Variants in EBLN1 observed in about 807,000 individuals in gnomAD.
EBLN1 encodes endogenous Bornavirus like nucleoprotein 1.
A neutral mutation model predicts 0.8 loss-of-function variants in EBLN1; 1 was observed. That is an observed-to-expected ratio of 1.32 (90% CI 0.47 to 6.26). The LOEUF is 6.26. EBLN1 is among the 30% of genes most tolerant of loss of function. The pLI is 0.15. For missense variants in EBLN1, 396 were observed against 447.9 expected, an observed-to-expected ratio of 0.88 and a Z score of 1.05; for synonymous variants, 158 against 158.5, an observed-to-expected ratio of 1.00 and a Z score of 0.02.
In EBLN1 at chr10:22,213,990, C is replaced by T. The variant is rs138904434; in HGVS notation, c.-168-1025G>A. On this transcript the variant is annotated intron_variant, in intron 1 of 2. Coordinates refer to ENST00000422359, the MANE Select transcript of EBLN1 (RefSeq NM_001394757.1). ...AATGTGGTCCTGGTGCAGGAATAGGCATGCTGACCAAAACAGACATCAGAA... is the reference window on the plus strand; with the variant it reads ...AATGTGGTCCTGGTGCAGGAATAGGTATGCTGACCAAAACAGACATCAGAA... Among the ~76,000 whole-genome samples the T allele has an allele frequency of 8.1e-3, 1,229 of 152,088 alleles. 12 individuals carry two copies. Among genetic ancestry groups the T allele is most frequent in the African/African-American group, 0.028 (1,176 of 41,486 alleles).
intron 2 of EBLN1, among the ~76,000 whole-genome samples, chr10:22,212,065 C>T (rs1274067408): frequency 6.6e-6 from 1 of 152,062 alleles, no homozygotes; most frequent in Non-Finnish European, 1.5e-5. Flanking sequence ...AAAACTTCCC[C>T]GTATTCTTGA....
At chr10:22,215,857 G>A (rs1834788560) in intron 1 of EBLN1, among the ~76,000 whole-genome samples, 1 of 152,024 alleles carries the variant, frequency 6.6e-6, no homozygotes, top group Non-Finnish European at 1.5e-5. Flanking sequence ...TGTACTGGAT[G>A]AAATATTACA....
rs1413803355 is a variant in EBLN1 at position 22,217,116 on chromosome 10, T to C, written c.-169+800A>G. Among the ~76,000 whole-genome samples the C allele has an allele frequency of 4.6e-5, 7 of 152,196 alleles. No individual in the cohort carries two copies. The South Asian group carries it at 1.2e-3, about 27-fold the overall frequency. On this transcript the variant is annotated intron_variant, in intron 1 of 2. Coordinates refer to ENST00000422359, the MANE Select transcript of EBLN1 (RefSeq NM_001394757.1). ...CTCAGAAATTATTTATATATATATG[T>C]ATGTGTATATATATATTTTTTTGTT...
chr10:22,209,410 C>T lies in EBLN1; in HGVS notation c.574G>A (p.Ala192Thr), dbSNP rs774978159. The T allele has an allele frequency of 1.2e-6, 2 of 1,603,670 alleles. No individual in the cohort carries two copies. The highest frequency in any genetic ancestry group is 1.7e-6 in the Non-Finnish European group (2 of 1,179,834). The change falls in exon 3 of 3, where the codon GCT (alanine) becomes ACT (threonine). Residue 192 changes from alanine to threonine, a missense_variant. Physicochemically the swap from Ala to Thr is moderately conservative, Grantham distance 58. Transcript: ENST00000422359. ...GGTCTTGAGTTGATCCAATCTATAG[C>T]TGGCCCTGCATTATAGCTAATTAAT... ...DLLISYNAGPAIDWINSRPWV... is the reference protein window; with the variant it reads ...DLLISYNAGPTIDWINSRPWV...
At position 22,208,783 on chromosome 10, in the gene EBLN1, A is replaced by G. The variant is rs561690252; in HGVS notation, c.*100T>C. 1.0e-5 allele frequency: 13 copies of G among 1,297,106 alleles called. No individual in the cohort carries two copies. The East Asian group carries it at 2.8e-4, about 28-fold the overall frequency. 80.3% of individuals were successfully genotyped at this position (1,297,106 alleles called of 1,614,324 possible). ...TTGCGATAGATGTCAGAGACAGACC[A>G]AGATTGAAAACAATAGGCAACACTC... On this transcript the variant is annotated 3_prime_UTR_variant, in exon 3 of 3. Transcript: ENST00000422359.
intron 2 of EBLN1, among the ~76,000 whole-genome samples, chr10:22,211,541 G>A (rs12243765): frequency 0.026 from 3,962 of 152,064 alleles, 182 homozygotes; most frequent in African/African-American, 0.091. Context: ...CACCCAGGCT[G>A]GAGTGCAGTG....
Position 22,209,155 on chromosome 10 carries a change from C to T in EBLN1, c.829G>A (p.Asp277Asn). The change falls in exon 3 of 3, where the codon GAT (aspartate) becomes AAT (asparagine). Residue 277 changes from aspartate to asparagine, a missense_variant. By Grantham distance (23) the Asp-to-Asn change is conservative. Transcript: ENST00000422359. ...KKPLAKKVLGDFFEFGGVLRH... is the reference protein window; with the variant it reads ...KKPLAKKVLGNFFEFGGVLRH... ...AGTACACCCCCAAATTCAAAGAAAT[C>T]TCCAAGTACCTTTTTAGCCAGTGGT... is the stretch of plus-strand genomic sequence containing the variant. 2 of 1,535,848 alleles carry T rather than the reference C, an allele frequency of 1.3e-6. No individual in the cohort carries two copies. Among genetic ancestry groups the T allele is most frequent in the African/African-American group, 1.4e-5 (1 of 73,160 alleles).
rs116747383 is a variant in EBLN1, at chr10:22,214,608, T to C, written c.-168-1643A>G. Among the ~76,000 whole-genome samples the C allele has an allele frequency of 3.5e-3, 527 of 152,288 alleles. 2 individuals are homozygous for C. The highest frequency in any genetic ancestry group is 0.011 in the African/African-American group (466 of 41,554). On this transcript the variant is annotated intron_variant, in intron 1 of 2. Transcript: ENST00000422359. ...GGCAAGCGATATATGGGGATTAAAA[T>C]ACTTTCTGCAAGTATACAAGGTTAA...
At chr10:22,211,286 A>G (rs1369835177) in intron 2 of EBLN1, among the ~76,000 whole-genome samples, 1 of 152,166 alleles carries the variant, frequency 6.6e-6, no homozygotes, top group Non-Finnish European at 1.5e-5. Context: ...ATCCATTTTT[A>G]TTCCCCGAAA....
At position 22,216,266 on chromosome 10, in the gene EBLN1, C is replaced by T. The variant is rs1382713886; in HGVS notation, c.-169+1650G>A. Among the ~76,000 whole-genome samples the T allele has an allele frequency of 2.0e-5, 3 of 151,500 alleles. No homozygotes were observed. The East Asian group carries it at 5.8e-4, about 29-fold the overall frequency. On this transcript the variant is annotated intron_variant, in intron 1 of 2. Coordinates refer to ENST00000422359, the MANE Select transcript of EBLN1 (RefSeq NM_001394757.1). The stretch of plus-strand genomic sequence containing the variant: ...TGGCATGTACAAACACATTGCAAAA[C>T]AAAAACAAAAACAAAAACAAATTAG...
chr10:22,214,750 G>C (rs1046935844), intron 1 of EBLN1, among the ~76,000 whole-genome samples: 1 of 152,066 alleles, frequency 6.6e-6, no homozygotes, highest in African/African-American at 2.4e-5. Flanking sequence ...AATACTCAGC[G>C]TGGAGTTACC....
chr10:22,209,140 C>T lies in EBLN1; in HGVS notation c.844G>A (p.Gly282Arg), dbSNP rs1389172016. ...ATAACAGGGTGGCGAAGTACACCCC[C>T]AAATTCAAAGAAATCTCCAAGTACC... is the stretch of plus-strand genomic sequence containing the variant. ...KKVLGDFFEF[G>R]GVLRHPVIGV... The change falls in exon 3 of 3, where the codon GGG becomes AGG. Residue 282 changes from glycine to arginine, a missense_variant. Gly to Arg is a moderately radical substitution (Grantham distance 125). Coordinates refer to ENST00000422359, the MANE Select transcript of EBLN1 (RefSeq NM_001394757.1). 2 of 1,535,866 alleles carry T rather than the reference C, an allele frequency of 1.3e-6. No individual in the cohort carries two copies. The highest frequency in any genetic ancestry group is 2.7e-5 in the African/African-American group (2 of 73,036).
chr10:22,209,940 T>C lies in EBLN1; in HGVS notation c.44A>G (p.Asp15Gly), dbSNP rs1564323162. Residue 15 changes from aspartate (D) to glycine (G), a missense_variant, in exon 3 of 3, where the codon GAC (aspartate) becomes GGC (glycine). Transcript: ENST00000422359. ...RNNPQTSSPQ[D>G]STKDGSSFHY... is the part of the protein sequence containing the mutation. Reference sequence around the variant, plus strand: ...GAAGCTGCTCCCATCCTTTGTACTGTCTTGTGGGCTGCTGGTCTGTGGGTT... The same window carrying C: ...GAAGCTGCTCCCATCCTTTGTACTGCCTTGTGGGCTGCTGGTCTGTGGGTT... 1 of 1,441,440 alleles carries C rather than the reference T, an allele frequency of 6.9e-7. No homozygotes were observed. The highest frequency in any genetic ancestry group is 2.5e-5 in the East Asian group (1 of 40,194). 89.3% of individuals were successfully genotyped at this position (1,441,440 alleles called of 1,614,324 possible). A position where few individuals can be genotyped will look rare whatever the true frequency, so the allele number is the denominator to read the frequency against.
chr10:22,209,387 T>A lies in EBLN1; in HGVS notation c.597A>T (p.Arg199Ser), dbSNP rs745332913. ...AGPAIDWINS[R>S]PWVGGLMFTF... ...TGAACATTAATCCTCCAACCCATGGTCTTGAGTTGATCCAATCTATAGCTG... is the reference window on the plus strand; with the variant it reads ...TGAACATTAATCCTCCAACCCATGGACTTGAGTTGATCCAATCTATAGCTG... Residue 199 changes from arginine (R) to serine (S), a missense_variant, in exon 3 of 3, where the codon AGA becomes AGT. Transcript: ENST00000422359. 2.2e-5 allele frequency: 36 copies of A among 1,605,206 alleles called. No individual in the cohort carries two copies. The highest frequency in any genetic ancestry group is 3.3e-4 in the Middle Eastern group (2 of 6,060).
In EBLN1 at chr10:22,209,391, G is replaced by A. The variant is rs1834724955; in HGVS notation, c.593C>T (p.Ser198Leu). ...CATTAATCCTCCAACCCATGGTCTT[G>A]AGTTGATCCAATCTATAGCTGGCCC... Reference protein sequence around the residue: ...NAGPAIDWINSRPWVGGLMFT... With the variant: ...NAGPAIDWINLRPWVGGLMFT... The change falls in exon 3 of 3, where the codon TCA (serine) becomes TTA (leucine). Residue 198 changes from serine to leucine, a missense_variant. By Grantham distance (145) the Ser-to-Leu change is moderately radical (BLOSUM62 -2). Coordinates refer to ENST00000422359, the MANE Select transcript of EBLN1 (RefSeq NM_001394757.1). 1.2e-6 allele frequency: 2 copies of A among 1,604,944 alleles called. No individual in the cohort carries two copies. The highest frequency in any genetic ancestry group is 1.3e-5 in the African/African-American group (1 of 74,936).
intron 1 of EBLN1, among the ~76,000 whole-genome samples, chr10:22,216,559 T>G (rs1373186748): frequency 6.6e-6 from 1 of 152,222 alleles, no homozygotes; most frequent in Non-Finnish European, 1.5e-5. Flanking sequence ...GGCAACATTC[T>G]ATGTACAATA....
At chr10:22,217,667 T>G (rs1834803244) in intron 1 of EBLN1, among the ~76,000 whole-genome samples, 1 of 152,176 alleles carries the variant, frequency 6.6e-6, no homozygotes, top group Admixed American at 6.5e-5. Context: ...TTGGCTACAT[T>G]CTCTGACTAC....
chr10:22,214,598 G>A lies in EBLN1; in HGVS notation c.-168-1633C>T, dbSNP rs1488817578. On this transcript the variant is annotated intron_variant, in intron 1 of 2. Coordinates refer to ENST00000422359, the MANE Select transcript of EBLN1 (RefSeq NM_001394757.1). ...CTAAATTAAAGGCAAGCGATATATG[G>A]GGATTAAAATACTTTCTGCAAGTAT... is the stretch of plus-strand genomic sequence containing the variant. Among the ~76,000 whole-genome samples, 3 of 152,024 alleles carry A rather than the reference G, an allele frequency of 2.0e-5. No homozygotes were observed. The East Asian group carries it at 5.8e-4, about 29-fold the overall frequency.
Position 22,208,709 on chromosome 10 carries a change from C to G in EBLN1, c.*174G>C, listed in dbSNP as rs1834715109. ...TTTGGAGATCACATCTTTCAGTGGC[C>G]AGAGAATATTGGATGGACTCTTTTA... is the stretch of plus-strand genomic sequence containing the variant. On this transcript the variant is annotated 3_prime_UTR_variant, in exon 3 of 3. Transcript: ENST00000422359. The G allele has an allele frequency of 1.4e-6, 1 of 709,170 alleles. No homozygotes were observed. Among genetic ancestry groups the G allele is most frequent in the African/African-American group, 1.8e-5 (1 of 55,434 alleles). 43.9% of individuals were successfully genotyped at this position (709,170 alleles called of 1,614,324 possible).
Sources: gnomAD v4.1 joint callset for allele counts (sites outside exome capture counted in the v4.1 genomes callset) on GRCh38, gnomAD v4.1.1 for gene constraint, MANE v1.5 for transcripts, NCBI Gene and HGNC (gene_info 2026-07-23, HGNC 2026-07-21) for gene names.